ROBO2: variants seen among roughly 807,000 people sequenced by gnomAD.
ROBO2 encodes the protein roundabout homolog 2.
ROBO2 carries 53 observed loss-of-function variants against 160.8 expected under a neutral mutation model. That is an observed-to-expected ratio of 0.33 (90% confidence interval 0.26 to 0.41). The LOEUF is 0.41. ROBO2 is among the 10% of genes least tolerant of loss of function. The probability of loss-of-function intolerance (pLI) is 1.00; values close to 1 mark genes in which losing one functional copy is unlikely to be tolerated. For missense variants in ROBO2, 1,577 were observed against 1,722.4 expected, an observed-to-expected ratio of 0.92 and a Z score of 1.49; for synonymous variants, 664 against 611.7, an observed-to-expected ratio of 1.09 and a Z score of -1.26.
At chr3:76,535,843 A>G (rs1459118226) in intron 2 of ROBO2, among the ~76,000 whole-genome samples, 4 of 152,124 alleles carry the variant, frequency 2.6e-5, no homozygotes, top group African/African-American at 7.2e-5. Flanking sequence ...ACCCTCCACT[A>G]TAAGAGTTAC....
chr3:77,123,110 A>G (rs1166633939), intron 2 of ROBO2, among the ~76,000 whole-genome samples: 1 of 152,208 alleles, frequency 6.6e-6, no homozygotes, highest in Non-Finnish European at 1.5e-5. Context: ...TTAACTCTAT[A>G]TGATTTAATA....
At chr3:76,682,256 C>T (rs2092582475) in intron 2 of ROBO2, among the ~76,000 whole-genome samples, 2 of 152,106 alleles carry the variant, frequency 1.3e-5, no homozygotes. Flanking sequence ...TTATGATTCA[C>T]CAATTTAGCT....
chr3:76,099,532 C>T (rs1421357941), intron 2 of ROBO2, among the ~76,000 whole-genome samples: 1 of 151,958 alleles, frequency 6.6e-6, no homozygotes, highest in Non-Finnish European at 1.5e-5. Context: ...CTGGTTTTGA[C>T]TGAAAAGCAG....
At chr3:77,635,150 A>T (rs1443310428) in intron 24 of ROBO2, 107 bp downstream of exon 25, 1 of 1,241,938 alleles carries the variant, frequency 8.1e-7, no homozygotes, top group Admixed American at 2.1e-5. Flanking sequence ...GCTTCATTAC[A>T]TAACAAGACA....
At chr3:76,634,439 G>T (rs1020780663) in intron 2 of ROBO2, among the ~76,000 whole-genome samples, 1 of 152,072 alleles carries the variant, frequency 6.6e-6, no homozygotes, top group Non-Finnish European at 1.5e-5. Context: ...GTGGTGGCGT[G>T]TACCTGTAAT....
intron 2 of ROBO2, among the ~76,000 whole-genome samples, chr3:76,296,189 A>T (rs1709065294): frequency 6.6e-6 from 1 of 152,036 alleles, no homozygotes; most frequent in Admixed American, 6.6e-5. Flanking sequence ...ATGTGGCCAC[A>T]AGCCAAGGAA....
upstream of ROBO2, chr3:77,039,875 G>A (rs1331712484): frequency 6.5e-6 from 1 of 153,570 alleles, no homozygotes; most frequent in African/African-American, 2.4e-5. Context: ...AGGCTGCGGG[G>A]GCTGGACCCG....
intron 2 of ROBO2, among the ~76,000 whole-genome samples, chr3:76,298,666 T>A (rs1702107586): frequency 6.6e-6 from 1 of 152,234 alleles, no homozygotes; most frequent in Admixed American, 6.5e-5. Flanking sequence ...AACAACCTCA[T>A]GGGATATATT....
intron 2 of ROBO2, among the ~76,000 whole-genome samples, chr3:76,199,977 A>G (rs1702446285): frequency 6.6e-6 from 1 of 152,134 alleles, no homozygotes; most frequent in African/African-American, 2.4e-5. Flanking sequence ...GTGTATTCTC[A>G]TGTGGATGGT....
At chr3:76,801,246 G>T (rs557137121) in intron 2 of ROBO2, among the ~76,000 whole-genome samples, 11 of 152,254 alleles carry the variant, frequency 7.2e-5, no homozygotes, top group African/African-American at 2.6e-4. Context: ...TAGTATGACA[G>T]TTACACAGCC....
chr3:76,422,647 G>C (rs1577086995), intron 2 of ROBO2, among the ~76,000 whole-genome samples: 1 of 152,194 alleles, frequency 6.6e-6, no homozygotes, highest in South Asian at 2.1e-4. Flanking sequence ...GCATTAATCT[G>C]GGCATCAGAA....
intron 2 of ROBO2, among the ~76,000 whole-genome samples, chr3:77,347,627 G>C (rs559163934): frequency 6.6e-6 from 1 of 151,840 alleles, no homozygotes; most frequent in African/African-American, 2.4e-5. Context: ...CTGCCCTTAC[G>C]ACCCACGGTG....
chr3:77,454,693 G>A (rs1242289892), intron 2 of ROBO2, among the ~76,000 whole-genome samples: 1 of 152,092 alleles, frequency 6.6e-6, no homozygotes, highest in Non-Finnish European at 1.5e-5. Flanking sequence ...TTCATAAGAA[G>A]CCATCATGCA....
chr3:77,152,417 C>A (rs1230247660), intron 2 of ROBO2, among the ~76,000 whole-genome samples: 2 of 152,082 alleles, frequency 1.3e-5, no homozygotes, highest in Non-Finnish European at 2.9e-5. Flanking sequence ...TCTTTGAAAC[C>A]CAGTGCATAC....
chr3:76,234,355 AG>A (rs1282823489), intron 2 of ROBO2, among the ~76,000 whole-genome samples: 1 of 152,200 alleles, frequency 6.6e-6, no homozygotes, highest in African/African-American at 2.4e-5. Context: ...AATTCTGTTT[AG>A]ATTCTTTGAG....
intron 2 of ROBO2, among the ~76,000 whole-genome samples, chr3:76,804,163 A>G (rs549218501): frequency 4.6e-5 from 7 of 152,324 alleles, no homozygotes; most frequent in Admixed American, 1.3e-4. Flanking sequence ...TGAGAGAACG[A>G]TGAATGCTAA....
intron 2 of ROBO2, among the ~76,000 whole-genome samples, chr3:77,296,458 C>T (rs1405967134): frequency 1.3e-5 from 2 of 152,160 alleles, no homozygotes; most frequent in African/African-American, 2.4e-5. Context: ...AAGTCACACA[C>T]TGCTGCACAT....
intron 2 of ROBO2, among the ~76,000 whole-genome samples, chr3:77,268,000 A>T (rs62249718): frequency 0.2 from 30,941 of 152,136 alleles, 3,571 homozygotes; most frequent in Middle Eastern, 0.32. Context: ...ATATTATATG[A>T]CCTGCCTAGA....
At chr3:77,460,894 T>A (rs187867636) in intron 2 of ROBO2, among the ~76,000 whole-genome samples, 16 of 152,306 alleles carry the variant, frequency 1.1e-4, no homozygotes, top group Admixed American at 3.9e-4. Context: ...AAGGTACTGA[T>A]GTATTATGAA....
Sources: allele counts gnomAD v4.1 joint callset (sites outside exome capture counted in the v4.1 genomes callset), GRCh38; gene constraint gnomAD v4.1.1; transcripts MANE v1.5; gene names NCBI Gene and HGNC (gene_info 2026-07-23, HGNC 2026-07-21).